The following DCX variants were observed in gnomAD, a reference collection of about 807,000 sequenced individuals.
DCX encodes doublecortin, also known as neuronal migration protein doublecortin.
A neutral mutation model predicts 20.9 loss-of-function variants in DCX; 4 were observed. The observed-to-expected ratio is 0.19, with a 90% CI of 0.09 to 0.44. The LOEUF is 0.44. DCX is among the 20% of genes least tolerant of loss of function. The pLI is 0.99. For synonymous variants in DCX, 103 were observed against 111.4 expected (o/e 0.92, Z 0.47); for missense variants, 133 against 296.9 (o/e 0.45, Z 4.06).
At chrX:111,369,015 C>T (rs1351301962) in intron 3 of DCX, among the ~76,000 whole-genome samples, 1 of 110,105 alleles carries the variant, frequency 9.1e-6, no homozygotes, top group Non-Finnish European at 1.9e-5. Flanking sequence ...CAAGGAGAGC[C>T]AGTCTGAGTC....
rs139066706 is a variant in DCX at position 111,369,760 on chromosome X, G to T, written c.705+31230C>A. Among the ~76,000 whole-genome samples, 455 of 111,856 alleles carry T rather than the reference G, an allele frequency of 4.1e-3. 3 individuals carry two copies. The highest frequency in any genetic ancestry group is 6.5e-3 in the Non-Finnish European group (345 of 53,126). ...TTTAATTGATCTTGCTGCCATCCAGGGGGTGAGGAGGAGGGTGCATTCCCA... is the reference window on the plus strand; with the variant it reads ...TTTAATTGATCTTGCTGCCATCCAGTGGGTGAGGAGGAGGGTGCATTCCCA... On this transcript the variant is annotated intron_variant, in intron 3 of 6. Coordinates refer to ENST00000636035, the MANE Select transcript of DCX (RefSeq NM_001195553.2).
chrX:111,402,429 A>AT (rs1927862344), intron 2 of DCX, among the ~76,000 whole-genome samples: 1 of 111,730 alleles, frequency 9.0e-6, no homozygotes, highest in South Asian at 3.8e-4. Flanking sequence ...GCCTCAAGGT[A>AT]TCTAGAAGTT....
intron 3 of DCX, among the ~76,000 whole-genome samples, chrX:111,391,913 T>C (rs1926982004): frequency 8.9e-6 from 1 of 111,770 alleles, no homozygotes; most frequent in Non-Finnish European, 1.9e-5. Context: ...GAAGCTCCTT[T>C]TTCTGTTCCT....
At chrX:111,388,718 T>C (rs1926714573) in intron 3 of DCX, among the ~76,000 whole-genome samples, 1 of 112,178 alleles carries the variant, frequency 8.9e-6, no homozygotes, top group Non-Finnish European at 1.9e-5. Flanking sequence ...TCTAAATTGA[T>C]AGGAGCTAAC....
intron 2 of DCX, among the ~76,000 whole-genome samples, chrX:111,408,598 TGAAA>T (rs1223289890): frequency 3.4e-5 from 3 of 89,197 alleles, no homozygotes; most frequent in African/African-American, 1.3e-4. Context: ...CGAAACTCTG[TGAAA>T]GAAAGAAAGG....
intron 3 of DCX, among the ~76,000 whole-genome samples, chrX:111,346,733 A>G (rs1021287419): frequency 1.8e-5 from 2 of 112,568 alleles, no homozygotes; most frequent in African/African-American, 3.2e-5. Flanking sequence ...TATGTTACAC[A>G]TATTTGACCA....
At chrX:111,340,949 T>A (rs1922171104) in intron 3 of DCX, among the ~76,000 whole-genome samples, 1 of 111,220 alleles carries the variant, frequency 9.0e-6, no homozygotes, top group Admixed American at 9.6e-5. Flanking sequence ...GAAAAAATGC[T>A]GAAAACCCAA....
At chrX:111,379,992 T>C (rs1281843027) in intron 3 of DCX, among the ~76,000 whole-genome samples, 1 of 111,780 alleles carries the variant, frequency 8.9e-6, no homozygotes, top group African/African-American at 3.2e-5. Context: ...CTTGGAGAAA[T>C]ATCTATTCAA....
At chrX:111,363,100 C>G (rs1238629743) in intron 3 of DCX, among the ~76,000 whole-genome samples, 1 of 111,015 alleles carries the variant, frequency 9.0e-6, no homozygotes, top group Non-Finnish European at 1.9e-5. Flanking sequence ...GACCATTTAT[C>G]TACCTATCTC....
At chrX:111,344,039 A>G (rs762292640) in intron 3 of DCX, among the ~76,000 whole-genome samples, 6 of 112,143 alleles carry the variant, frequency 5.4e-5, no homozygotes, top group African/African-American at 1.6e-4. Flanking sequence ...AAACTTATGC[A>G]TCATGAACAA....
At chrX:111,382,705 A>G (rs1926073907) in intron 3 of DCX, among the ~76,000 whole-genome samples, 1 of 111,697 alleles carries the variant, frequency 9.0e-6, no homozygotes, top group Admixed American at 9.5e-5. Flanking sequence ...CCTAACACAC[A>G]TAAAAAAATA....
intron 6 of DCX, 141 bp downstream of exon 6, chrX:111,312,498 G>T (rs1001312938): frequency 1.9e-6 from 1 of 537,602 alleles, no homozygotes; most frequent in East Asian, 3.6e-5. Context: ...GCTTGGATTC[G>T]CAGAACTTCA....
chrX:111,338,831 T>C, intron 3 of DCX, among the ~76,000 whole-genome samples: 1 of 110,967 alleles, frequency 9.0e-6, no homozygotes, highest in Middle Eastern at 4.6e-3. Context: ...ATTTATGGTA[T>C]TTTATGTTTT....
intron 3 of DCX, among the ~76,000 whole-genome samples, chrX:111,369,611 G>GA (rs777444251): frequency 7.1e-5 from 8 of 111,906 alleles, no homozygotes; most frequent in Non-Finnish European, 1.5e-4. Flanking sequence ...GGGAACATGT[G>GA]AAAAAGTGGT....
chrX:111,405,250 T>TG (rs1406128557), intron 2 of DCX, among the ~76,000 whole-genome samples: 1 of 112,425 alleles, frequency 8.9e-6, no homozygotes, highest in Non-Finnish European at 1.9e-5. Context: ...CAGGGCTTCC[T>TG]GACTCAAGAA....
chrX:111,313,780 A>AT lies in DCX; in HGVS notation c.947-1045dup, dbSNP rs1258307093. Reference sequence around the variant, plus strand: ...TTGTTCAGACACTTCATACTAAAGTATTTTTTTTTTAATCTTAAGACCTAA... The same window carrying AT: ...TTGTTCAGACACTTCATACTAAAGTATTTTTTTTTTTAATCTTAAGACCTAA... On this transcript the variant is annotated intron_variant, in intron 5 of 6. Transcript: ENST00000636035. Among the ~76,000 whole-genome samples, 264 of 106,584 alleles carry AT rather than the reference A, an allele frequency of 2.5e-3. 1 individual carries two copies. Among genetic ancestry groups the AT allele is most frequent in the South Asian group, 0.013 (31 of 2,339 alleles). 92.6% of individuals were successfully genotyped at this position (106,584 alleles called of 115,157 possible). A position where few individuals can be genotyped will look rare whatever the true frequency, so the allele number is the denominator to read the frequency against.
chrX:111,385,783 G>GGGAAGGAAGGAAGGAAGGAA (rs772837208), intron 3 of DCX, among the ~76,000 whole-genome samples: 4 of 52,858 alleles, frequency 7.6e-5, no homozygotes, highest in African/African-American at 2.9e-4. Flanking sequence ...GAGGGAGGGA[G>GGGAAGGAAGGAAGGAAGGAA]GGAAGGAAGG....
At chrX:111,398,345 TA>T (rs1236761906) in intron 3 of DCX, among the ~76,000 whole-genome samples, 2,080 of 98,339 alleles carry the variant, frequency 0.021, 36 homozygotes, top group African/African-American at 0.058. Context: ...TAGCATTAAT[TA>T]AAAAAAAAAA....
At chrX:111,361,327 A>G (rs1924189822) in intron 3 of DCX, among the ~76,000 whole-genome samples, 1 of 112,119 alleles carries the variant, frequency 8.9e-6, no homozygotes, top group African/African-American at 3.2e-5. Flanking sequence ...AGGAACAATG[A>G]GCTTTCTGTC....
Sources: gnomAD v4.1 joint callset for allele counts (sites outside exome capture counted in the v4.1 genomes callset) on GRCh38, gnomAD v4.1.1 for gene constraint, MANE v1.5 for transcripts, NCBI Gene and HGNC (gene_info 2026-07-23, HGNC 2026-07-21) for gene names.